The following CAMSAP2 variants were observed in gnomAD, a reference collection of about 807,000 sequenced individuals.
The protein encoded by CAMSAP2 is calmodulin regulated spectrin associated protein family member 2.
A neutral mutation model predicts 146.1 loss-of-function variants in CAMSAP2; 26 were observed. The ratio of observed to expected loss-of-function variants is 0.18; its 90% CI spans 0.13 to 0.25. CAMSAP2 has a LOEUF of 0.25. Among genes scored for constraint, CAMSAP2 ranks in the 10% least tolerant of loss-of-function variants. The pLI is 1.00. For synonymous variants in CAMSAP2, 499 were observed against 596.6 expected (o/e 0.84, Z 2.38); for missense variants, 1,381 against 1,759.3 (o/e 0.78, Z 3.85).
chr1:200,811,810 G>T (rs1281507505), intron 3 of CAMSAP2, among the ~76,000 whole-genome samples: 2 of 152,094 alleles, frequency 1.3e-5, no homozygotes, highest in Non-Finnish European at 2.9e-5. Context: ...GGCCTGCAAG[G>T]TACCACCTAA....
chr1:200,760,936 A>C lies in CAMSAP2; in HGVS notation c.237A>C (p.Glu79Asp). The change falls in exon 2 of 17, where the codon GAA (glutamate) becomes GAC (aspartate). Residue 79 changes from glutamate (E) to aspartate (D), a missense_variant. Glu to Asp is a conservative substitution (Grantham distance 45). Around this residue, in one of 4 missense-constraint regions of CAMSAP2, gnomAD observed 284 missense variants for 406.9 expected, o/e 0.70. Coordinates refer to ENST00000358823, the MANE Select transcript of CAMSAP2 (RefSeq NM_203459.4). ...PPVVNLLLSA[E>D]LYCRAGSLIL... ...TTGTTAATTTGCTTCTATCGGCTGAACTATACTGTCGTGCTGGGAGTCTCA... is the reference window on the plus strand; with the variant it reads ...TTGTTAATTTGCTTCTATCGGCTGACCTATACTGTCGTGCTGGGAGTCTCA... 1 of 1,614,184 alleles carries C rather than the reference A, an allele frequency of 6.2e-7. No homozygotes were observed. Among genetic ancestry groups the C allele is most frequent in the Non-Finnish European group, 8.5e-7 (1 of 1,180,028 alleles).
intron 4 of CAMSAP2, among the ~76,000 whole-genome samples, chr1:200,817,200 G>GTA (rs1230695615): frequency 1.0e-3 from 66 of 63,574 alleles, no homozygotes; most frequent in South Asian, 1.6e-3. Context: ...ATGTGTGTGT[G>GTA]TATACACACA....
intron 2 of CAMSAP2, among the ~76,000 whole-genome samples, chr1:200,767,289 G>A (rs1179053602): frequency 6.6e-6 from 1 of 151,444 alleles, no homozygotes; most frequent in African/African-American, 2.4e-5. Flanking sequence ...TTGAACCTGG[G>A]AGGCAGAGGT....
chr1:200,760,742 A>C, intron 1 of CAMSAP2, 97 bp from the exon 2 acceptor site: 2 of 883,418 alleles, frequency 2.3e-6, no homozygotes, highest in Non-Finnish European at 3.3e-6. Context: ...TTTAGAGGGA[A>C]TCTTAAATTC....
intron 1 of CAMSAP2, among the ~76,000 whole-genome samples, chr1:200,742,510 G>A (rs1173696600): frequency 6.6e-6 from 1 of 152,030 alleles, no homozygotes; most frequent in East Asian, 1.9e-4. Context: ...TTTATATGGA[G>A]TGAATAGAAA....
intron 2 of CAMSAP2, among the ~76,000 whole-genome samples, chr1:200,773,920 A>C (rs1403711952): frequency 6.7e-6 from 1 of 149,636 alleles, no homozygotes. Context: ...AATAAAATAA[A>C]ATAAAATAAA....
At chr1:200,819,537 G>A (rs1666693304) in intron 4 of CAMSAP2, among the ~76,000 whole-genome samples, 1 of 152,144 alleles carries the variant, frequency 6.6e-6, no homozygotes, top group South Asian at 2.1e-4. Context: ...ATGGTAAAAT[G>A]AGTATTGCAC....
chr1:200,857,282 ATTG>A lies in CAMSAP2; in HGVS notation c.4013-18_4013-16del, dbSNP rs1667772308. On this transcript the variant is annotated intron_variant, in intron 15 of 16. Transcript: ENST00000358823. This position sits in a 1 kb window ranked among gnomAD's most constrained non-coding sequence, Gnocchi z 4.7. ...CTGACTTAGGAATGTTATTTTTATT[ATTG>A]TTGTTAAATCCCTACCATAGGACCA... is the stretch of plus-strand genomic sequence containing the variant. 1.5e-6 allele frequency: 2 copies of A among 1,363,370 alleles called. No homozygotes were observed. Among genetic ancestry groups the A allele is most frequent in the East Asian group, 2.3e-5 (1 of 43,642 alleles). The allele number at this position is 1,363,370 out of a possible 1,614,324, so 84.5% of individuals were successfully genotyped here. A position where few individuals can be genotyped will look rare whatever the true frequency, so the allele number is the denominator to read the frequency against.
intron 6 of CAMSAP2, among the ~76,000 whole-genome samples, chr1:200,835,862 A>G (rs1004906499): frequency 7.9e-5 from 12 of 152,330 alleles, no homozygotes; most frequent in African/African-American, 2.9e-4. Flanking sequence ...CACTAAATAC[A>G]TGGAGATATA....
intron 1 of CAMSAP2, among the ~76,000 whole-genome samples, chr1:200,751,563 A>G (rs1262437212): frequency 6.8e-6 from 1 of 147,228 alleles, no homozygotes; most frequent in Non-Finnish European, 1.5e-5. Flanking sequence ...AAAAAAAGCT[A>G]CAAGCTACAA....
intron 2 of CAMSAP2, among the ~76,000 whole-genome samples, chr1:200,764,020 G>A (rs1218612407): frequency 6.6e-6 from 1 of 152,060 alleles, no homozygotes; most frequent in Non-Finnish European, 1.5e-5. Context: ...GCAGTGAGCC[G>A]AGATTGCGCC....
chr1:200,832,088 T>C lies in CAMSAP2; in HGVS notation c.646-112T>C. On this transcript the variant is annotated intron_variant, in intron 4 of 16. Transcript: ENST00000358823. This position sits in a 1 kb window ranked among gnomAD's most constrained non-coding sequence, Gnocchi z 4.2. ...AAAAAAGAAATATTGGTGAGTGGTC[T>C]CATTTCTCATGATTTATTTTATTAC... The C allele has an allele frequency of 1.2e-6, 1 of 832,866 alleles. No homozygotes were observed. The highest frequency in any genetic ancestry group is 1.8e-6 in the Non-Finnish European group (1 of 552,418). The allele number at this position is 832,866 out of a possible 1,614,324, so 51.6% of individuals were successfully genotyped here.
chr1:200,845,842 A>T (rs1667448398), intron 8 of CAMSAP2, among the ~76,000 whole-genome samples: 1 of 152,234 alleles, frequency 6.6e-6, no homozygotes, highest in South Asian at 2.1e-4. Flanking sequence ...TTTAGTACAT[A>T]GTATTAGGAA....
intron 2 of CAMSAP2, among the ~76,000 whole-genome samples, chr1:200,796,797 A>G (rs1665896247): frequency 6.6e-6 from 1 of 151,614 alleles, no homozygotes. Flanking sequence ...CATTAGGTAT[A>G]TCTCCCAATG....
chr1:200,820,991 T>C (rs1381510000), intron 4 of CAMSAP2, among the ~76,000 whole-genome samples: 1 of 152,178 alleles, frequency 6.6e-6, no homozygotes, highest in Non-Finnish European at 1.5e-5. Context: ...TGTTCAAATA[T>C]AGCGCATCAT....
At chr1:200,785,679 G>A (rs778565695) in intron 2 of CAMSAP2, among the ~76,000 whole-genome samples, 1 of 149,738 alleles carries the variant, frequency 6.7e-6, no homozygotes, top group Non-Finnish European at 1.5e-5. Flanking sequence ...CGTGAGCCAT[G>A]TGCCTGGCTG....
intron 2 of CAMSAP2, among the ~76,000 whole-genome samples, chr1:200,796,315 C>G (rs10800735): frequency 0.16 from 24,015 of 152,120 alleles, 2,500 homozygotes; most frequent in East Asian, 0.35. Flanking sequence ...TTTATGGACT[C>G]TGTTCCATTG....
intron 2 of CAMSAP2, among the ~76,000 whole-genome samples, chr1:200,784,412 C>T (rs918819735): frequency 6.6e-6 from 1 of 151,974 alleles, no homozygotes; most frequent in Non-Finnish European, 1.5e-5. Flanking sequence ...CCAGTGAAAA[C>T]ATGGTTTCTC....
chr1:200,835,135 CT>C (rs1048125030), intron 6 of CAMSAP2, among the ~76,000 whole-genome samples: 2 of 152,106 alleles, frequency 1.3e-5, no homozygotes, highest in Non-Finnish European at 2.9e-5. Flanking sequence ...TACACCTTTG[CT>C]TTTGAAGAAT....
Sources: allele counts gnomAD v4.1 joint callset (sites outside exome capture counted in the v4.1 genomes callset), GRCh38; gene constraint gnomAD v4.1.1; regional missense constraint gnomAD v4.1.1; non-coding constraint Gnocchi (gnomAD v3.1); transcripts MANE v1.5; gene names NCBI Gene and HGNC (gene_info 2026-07-23, HGNC 2026-07-21).